Variants in CCSER2 observed in about 807,000 individuals in gnomAD.
The protein encoded by CCSER2 is serine-rich coiled-coil domain-containing protein 2.
In CCSER2, 46 loss-of-function variants were observed where a neutral mutation model predicts 92.3. That is an observed-to-expected ratio of 0.50 (90% CI 0.39 to 0.64). The LOEUF is 0.64. Among genes scored for constraint, CCSER2 ranks in the 30% least tolerant of loss-of-function variants. The pLI is 0.00. For missense variants in CCSER2, 1,244 were observed against 1,238.9 expected, an observed-to-expected ratio of 1.00 and a Z score of -0.06; for synonymous variants, 433 against 431.4, an observed-to-expected ratio of 1.00 and a Z score of -0.04.
chr10:84,350,647 T>G (rs1169204636), intron 1 of CCSER2, among the ~76,000 whole-genome samples: 3 of 152,224 alleles, frequency 2.0e-5, no homozygotes, highest in Admixed American at 2.0e-4. Flanking sequence ...GCTTAGTGTT[T>G]TATGTAGTTT....
At chr10:84,418,276 C>T (rs1463092929) in intron 4 of CCSER2, among the ~76,000 whole-genome samples, 1 of 152,094 alleles carries the variant, frequency 6.6e-6, no homozygotes, top group Non-Finnish European at 1.5e-5. Flanking sequence ...ATGTGATGAC[C>T]TTCTGAATGG....
intron 9 of CCSER2, among the ~76,000 whole-genome samples, chr10:84,482,913 C>T (rs1044291748): frequency 2.0e-5 from 3 of 152,092 alleles, no homozygotes; most frequent in African/African-American, 7.2e-5. Flanking sequence ...TGCTAATTTT[C>T]TCTCATATTT....
chr10:84,455,739 C>G (rs186055213), intron 6 of CCSER2: 2 of 981,800 alleles, frequency 2.0e-6, no homozygotes, highest in East Asian at 2.4e-5. Flanking sequence ...GTAAAATGCA[C>G]CTGCACATTC....
chr10:84,363,241 G>A (rs1845606697), intron 1 of CCSER2, among the ~76,000 whole-genome samples: 1 of 149,652 alleles, frequency 6.7e-6, no homozygotes, highest in Admixed American at 6.7e-5. Context: ...TGATCCACCT[G>A]CCTGGGCCTC....
intron 4 of CCSER2, among the ~76,000 whole-genome samples, chr10:84,420,616 A>C (rs1424568378): frequency 6.6e-6 from 1 of 152,038 alleles, no homozygotes; most frequent in African/African-American, 2.4e-5. Flanking sequence ...CTGGTTGTTG[A>C]TGATATTATG....
intron 9 of CCSER2, among the ~76,000 whole-genome samples, chr10:84,486,205 C>T (rs1454141610): frequency 2.0e-5 from 3 of 152,146 alleles, no homozygotes; most frequent in African/African-American, 7.2e-5. Context: ...AGTAAACATA[C>T]GTGTGCATGT....
chr10:84,358,700 G>GTA (rs534009297), intron 1 of CCSER2, among the ~76,000 whole-genome samples: 4 of 148,896 alleles, frequency 2.7e-5, no homozygotes, highest in African/African-American at 4.9e-5. Flanking sequence ...ACACACACGT[G>GTA]TATATATATA....
At chr10:84,374,071 A>G in intron 3 of CCSER2, 1 of 799,870 alleles carries the variant, frequency 1.3e-6, no homozygotes, top group Non-Finnish European at 1.8e-6. Flanking sequence ...CTATATTAGT[A>G]GTTTAATCTA....
At chr10:84,432,100 T>C (rs1039598178) in intron 5 of CCSER2, among the ~76,000 whole-genome samples, 2 of 152,218 alleles carry the variant, frequency 1.3e-5, no homozygotes, top group African/African-American at 4.8e-5. Context: ...AACTATTAGG[T>C]ATGTAGTGGT....
chr10:84,348,848 C>T (rs1344798368), intron 1 of CCSER2, among the ~76,000 whole-genome samples: 1 of 151,754 alleles, frequency 6.6e-6, no homozygotes, highest in Non-Finnish European at 1.5e-5. Flanking sequence ...ATGTTTTTTG[C>T]CATTTTCTTA....
At chr10:84,435,420 T>TA (rs1261572518) in intron 5 of CCSER2, among the ~76,000 whole-genome samples, 1 of 152,208 alleles carries the variant, frequency 6.6e-6, no homozygotes, top group Non-Finnish European at 1.5e-5. Flanking sequence ...TCTCATGGCG[T>TA]AGCCTGCAGA....
intron 9 of CCSER2, among the ~76,000 whole-genome samples, chr10:84,500,688 CT>C: frequency 6.6e-6 from 1 of 152,110 alleles, no homozygotes; most frequent in Middle Eastern, 3.4e-3. Flanking sequence ...TATATTTTAT[CT>C]TTTTTGAAAA....
intron 6 of CCSER2, among the ~76,000 whole-genome samples, chr10:84,459,517 T>C (rs1449658834): frequency 6.6e-6 from 1 of 152,126 alleles, no homozygotes; most frequent in East Asian, 1.9e-4. Flanking sequence ...TGTTTTGTTT[T>C]GGTTTGGTTT....
chr10:84,386,737 A>G (rs548452434), intron 3 of CCSER2, among the ~76,000 whole-genome samples: 1 of 152,328 alleles, frequency 6.6e-6, no homozygotes, highest in Non-Finnish European at 1.5e-5. Context: ...TCTCCAGAAA[A>G]CAAAACACAA....
intron 4 of CCSER2, among the ~76,000 whole-genome samples, chr10:84,424,258 G>T: frequency 6.7e-6 from 1 of 149,572 alleles, no homozygotes. Context: ...GCCTTTATTT[G>T]TGAAGTTTTC....
chr10:84,436,791 T>G (rs1038744215), intron 5 of CCSER2, among the ~76,000 whole-genome samples: 2 of 152,102 alleles, frequency 1.3e-5, no homozygotes, highest in African/African-American at 4.8e-5. Context: ...TAAAAGAAAG[T>G]TGGGCCTGAA....
At chr10:84,473,195 A>G (rs893422284) in intron 8 of CCSER2, 2 of 152,054 alleles carry the variant, frequency 1.3e-5, no homozygotes, top group Non-Finnish European at 2.9e-5. Context: ...CCTAGTAATC[A>G]TATTTGTCAT....
chr10:84,399,904 T>C (rs1007363849), intron 3 of CCSER2, among the ~76,000 whole-genome samples: 1 of 151,086 alleles, frequency 6.6e-6, no homozygotes. Flanking sequence ...ATTTTCTGTC[T>C]TTTTTTCTTT....
chr10:84,397,353 A>G (rs1055872573), intron 3 of CCSER2, among the ~76,000 whole-genome samples: 2 of 152,210 alleles, frequency 1.3e-5, no homozygotes, highest in Non-Finnish European at 2.9e-5. Context: ...ATGTTACTGA[A>G]ACTTCATTTG....
Sources: allele counts gnomAD v4.1 joint callset (sites outside exome capture counted in the v4.1 genomes callset), GRCh38; gene constraint gnomAD v4.1.1; transcripts MANE v1.5; gene names NCBI Gene and HGNC (gene_info 2026-07-23, HGNC 2026-07-21).